The following SGCZ variants were observed in gnomAD, a reference collection of about 807,000 sequenced individuals.
The protein encoded by SGCZ is sarcoglycan zeta, also known as zeta-sarcoglycan.
A neutral mutation model predicts 41.3 loss-of-function variants in SGCZ; 40 were observed. The observed-to-expected ratio is 0.97, with a 90% CI of 0.75 to 1.26. The LOEUF is 1.26. SGCZ is among the 50% of genes most tolerant of loss of function. The probability of loss-of-function intolerance (pLI) is 0.00; values close to 1 mark genes in which losing one functional copy is unlikely to be tolerated. For synonymous variants in SGCZ, 206 were observed against 137.5 expected (o/e 1.50, Z -3.49); for missense variants, 552 against 369.8 (o/e 1.49, Z -4.04).
At chr8:14,404,214 T>G (rs1799152046) in intron 2 of SGCZ, among the ~76,000 whole-genome samples, 1 of 152,238 alleles carries the variant, frequency 6.6e-6, no homozygotes, top group African/African-American at 2.4e-5. Flanking sequence ...ATTTGTCAAG[T>G]GCAATTTGTT....
At chr8:14,121,309 G>C (rs1357859659) in intron 5 of SGCZ, among the ~76,000 whole-genome samples, 1 of 151,966 alleles carries the variant, frequency 6.6e-6, no homozygotes, top group African/African-American at 2.4e-5. Context: ...TCATAGCTGA[G>C]ATAAAATGTT....
chr8:15,159,758 G>C (rs79753663), intron 1 of SGCZ, among the ~76,000 whole-genome samples: 2,879 of 8,896 alleles, frequency 0.32, 315 homozygotes, highest in African/African-American at 0.48. Flanking sequence ...CCCCACCCCC[G>C]CCACACACAC....
chr8:15,195,636 G>C (rs1800698815), intron 1 of SGCZ, among the ~76,000 whole-genome samples: 2 of 152,136 alleles, frequency 1.3e-5, no homozygotes, highest in South Asian at 2.1e-4. Flanking sequence ...TGCCACCCCA[G>C]TGAAATACTT....
intron 1 of SGCZ, among the ~76,000 whole-genome samples, chr8:15,088,619 A>C: frequency 6.7e-6 from 1 of 148,946 alleles, no homozygotes; most frequent in Admixed American, 6.6e-5. Context: ...GGAACTCCTA[A>C]GTTCCTCTCT....
chr8:14,706,112 C>T (rs1158229213), intron 1 of SGCZ, among the ~76,000 whole-genome samples: 1 of 151,872 alleles, frequency 6.6e-6, no homozygotes, highest in Non-Finnish European at 1.5e-5. Context: ...AGAATTTTCC[C>T]CCCCATGGTC....
intron 2 of SGCZ, among the ~76,000 whole-genome samples, chr8:14,462,367 T>C (rs906484178): frequency 6.6e-6 from 1 of 152,046 alleles, no homozygotes; most frequent in Non-Finnish European, 1.5e-5. Context: ...AAATTTACTA[T>C]CTTAAATATT....
Position 14,273,515 on chromosome 8 carries a change from T to A in SGCZ, c.337-35836A>T, listed in dbSNP as rs1415597389. Reference sequence around the variant, plus strand: ...TGCTCATCCGATCTTCTGATGGATTTCCCAATCCTCACAGAGACATTTAAA... The same window carrying A: ...TGCTCATCCGATCTTCTGATGGATTACCCAATCCTCACAGAGACATTTAAA... On this transcript the variant is annotated intron_variant, in intron 3 of 7. Coordinates refer to ENST00000382080, the MANE Select transcript of SGCZ (RefSeq NM_139167.4). Among the ~76,000 whole-genome samples the A allele has an allele frequency of 7.2e-5, 11 of 152,210 alleles. No homozygotes were observed. The East Asian group carries it at 2.1e-3, about 29-fold the overall frequency.
chr8:14,711,576 C>CAGGA (rs1306419752), intron 1 of SGCZ, among the ~76,000 whole-genome samples: 1 of 136,772 alleles, frequency 7.3e-6, no homozygotes, highest in African/African-American at 2.7e-5. Context: ...CATTCCAGCC[C>CAGGA]AGGAGACAGA....
chr8:14,122,804 G>C (rs1802740717), intron 5 of SGCZ, among the ~76,000 whole-genome samples: 1 of 143,722 alleles, frequency 7.0e-6, no homozygotes, highest in African/African-American at 2.6e-5. Context: ...ATACTGTTCA[G>C]TATGCAGAGA....
At chr8:14,885,850 A>G (rs1804768293) in intron 1 of SGCZ, among the ~76,000 whole-genome samples, 1 of 151,768 alleles carries the variant, frequency 6.6e-6, no homozygotes, top group Non-Finnish European at 1.5e-5. Flanking sequence ...TGCAACTCAC[A>G]GAAGAGAATT....
chr8:14,227,815 T>A (rs1456829581), intron 4 of SGCZ, among the ~76,000 whole-genome samples: 2 of 152,206 alleles, frequency 1.3e-5, no homozygotes, highest in East Asian at 3.9e-4. Context: ...ATATGCATTA[T>A]CTGACTTGGA....
intron 1 of SGCZ, among the ~76,000 whole-genome samples, chr8:15,209,042 A>G (rs1474038838): frequency 1.3e-5 from 2 of 152,032 alleles, no homozygotes; most frequent in Non-Finnish European, 2.9e-5. Flanking sequence ...CTAGACTTGG[A>G]GTTCTAAGAA....
intron 1 of SGCZ, among the ~76,000 whole-genome samples, chr8:15,034,129 C>T (rs1803786293): frequency 6.6e-6 from 1 of 152,116 alleles, no homozygotes; most frequent in Non-Finnish European, 1.5e-5. Flanking sequence ...GAAATGGGTT[C>T]TACCCCAAAC....
At chr8:14,925,300 A>G (rs1284300655) in intron 1 of SGCZ, among the ~76,000 whole-genome samples, 1 of 152,188 alleles carries the variant, frequency 6.6e-6, no homozygotes, top group Non-Finnish European at 1.5e-5. Context: ...ATTCTAATTC[A>G]CATAGCATTT....
chr8:14,350,127 G>C (rs2117101866), intron 2 of SGCZ, among the ~76,000 whole-genome samples: 1 of 152,054 alleles, frequency 6.6e-6, no homozygotes, highest in Non-Finnish European at 1.5e-5. Context: ...GTGAACGATA[G>C]AGAAAGGGCT....
intron 1 of SGCZ, among the ~76,000 whole-genome samples, chr8:14,652,196 C>G (rs146814159): frequency 6.6e-6 from 1 of 151,354 alleles, no homozygotes; most frequent in African/African-American, 2.4e-5. Context: ...ACAAAATTAG[C>G]TGGGCGTGGT....
chr8:14,964,415 C>A (rs1424140822), intron 1 of SGCZ, among the ~76,000 whole-genome samples: 4 of 152,060 alleles, frequency 2.6e-5, no homozygotes, highest in Non-Finnish European at 5.9e-5. Context: ...AGGAAGATGC[C>A]CTGCCTAGGA....
chr8:14,337,357 C>T (rs1345736881), intron 2 of SGCZ, among the ~76,000 whole-genome samples: 2 of 152,040 alleles, frequency 1.3e-5, no homozygotes, highest in Non-Finnish European at 2.9e-5. Flanking sequence ...GTGACAAGCC[C>T]AATCAGCAGG....
intron 1 of SGCZ, among the ~76,000 whole-genome samples, chr8:14,572,783 G>A (rs78504150): frequency 0.011 from 1,605 of 148,878 alleles, 28 homozygotes; most frequent in Middle Eastern, 0.073. Flanking sequence ...TACTCAACAA[G>A]CTCCAAAAAT....
Sources: gnomAD v4.1 joint callset for allele counts (sites outside exome capture counted in the v4.1 genomes callset) on GRCh38, gnomAD v4.1.1 for gene constraint, MANE v1.5 for transcripts, NCBI Gene and HGNC (gene_info 2026-07-23, HGNC 2026-07-21) for gene names.